The following RRM2 variants were observed in gnomAD, a reference collection of about 807,000 sequenced individuals.
The protein encoded by RRM2 is ribonucleotide reductase regulatory subunit M2.
RRM2 carries 6 observed loss-of-function variants against 45.9 expected under a neutral mutation model. The ratio of observed to expected loss-of-function variants is 0.13; its 90% confidence interval spans 0.07 to 0.26. RRM2 has a LOEUF of 0.26. RRM2 is among the 10% of genes least tolerant of loss of function. The probability of loss-of-function intolerance (pLI) is 1.00; values close to 1 mark genes in which losing one functional copy is unlikely to be tolerated. For synonymous variants in RRM2, 177 were observed against 173.0 expected (o/e 1.02, Z -0.18); for missense variants, 343 against 489.5 (o/e 0.70, Z 2.82).
chr2:10,171,003 GC>G lies in RRM2; in HGVS notation n.482+28629del, dbSNP rs1663793380. ...TCGGGGCTGCAAGCTCCTTTGAGATGCGGGGCTCAGGCCTCATCAGGGGAAA... is the reference window on the plus strand; with the variant it reads ...TCGGGGCTGCAAGCTCCTTTGAGATGGGGGCTCAGGCCTCATCAGGGGAAA... On this transcript the variant is annotated intron_variant and non_coding_transcript_variant, in intron 3 of 3. Coordinates refer to the RRM2 transcript ENST00000381786. The surrounding 1 kb of genome is among the most constrained non-coding windows in gnomAD (Gnocchi z 4.1). Among the ~76,000 whole-genome samples the G allele has an allele frequency of 1.3e-5, 2 of 152,364 alleles. No individual in the cohort carries two copies. Among genetic ancestry groups the G allele is most frequent in the East Asian group, 3.9e-4 (2 of 5,184 alleles).
intron 3 of RRM2, among the ~76,000 whole-genome samples, chr2:10,188,791 G>T (rs1352523855): frequency 6.6e-6 from 1 of 152,186 alleles, no homozygotes; most frequent in Non-Finnish European, 1.5e-5. Flanking sequence ...TGAAGAGAGG[G>T]TCAGGCGCTC....
chr2:10,126,358 A>T (rs1019308759), intron 5 of RRM2, among the ~76,000 whole-genome samples: 15 of 152,050 alleles, frequency 9.9e-5, no homozygotes, highest in Non-Finnish European at 2.2e-4. Context: ...TGCTTTCCTG[A>T]CCTGGGATCG....
intron 3 of RRM2, among the ~76,000 whole-genome samples, chr2:10,189,628 A>G (rs920775250): frequency 2.6e-5 from 4 of 152,202 alleles, no homozygotes; most frequent in African/African-American, 9.6e-5. Context: ...CCCATCCTCC[A>G]TCCCACAGTG....
At chr2:10,199,707 A>G (rs1394463490) in intron 3 of RRM2, among the ~76,000 whole-genome samples, 4 of 138,120 alleles carry the variant, frequency 2.9e-5, no homozygotes, top group East Asian at 2.5e-4. Context: ...GTGAACCCAG[A>G]AGGTGGAGCT....
rs1436038903 is a variant in RRM2 at position 10,172,531 on chromosome 2, C to T, written n.482+30156C>T. Among the ~76,000 whole-genome samples, 1 of 152,114 alleles carries T rather than the reference C, an allele frequency of 6.6e-6. No homozygotes were observed. The highest frequency in any genetic ancestry group is 2.4e-5 in the African/African-American group (1 of 41,400). On this transcript the variant is annotated intron_variant and non_coding_transcript_variant, in intron 3 of 3. Coordinates refer to the RRM2 transcript ENST00000381786. The surrounding 1 kb of genome is among the most constrained non-coding windows in gnomAD (Gnocchi z 4.9). ...TGCTCCTGGGGCCAATAGATTTTTC[C>T]AGTAATGAAATTGTGAAAATAATTG... is the stretch of plus-strand genomic sequence containing the variant.
intron 3 of RRM2, among the ~76,000 whole-genome samples, chr2:10,201,926 A>G (rs752254255): frequency 1.1e-4 from 16 of 152,354 alleles, no homozygotes; most frequent in Admixed American, 6.5e-5. Context: ...TTAGTGTACT[A>G]TGAATGTTAA....
At chr2:10,192,143 A>G (rs748449870) in intron 3 of RRM2, among the ~76,000 whole-genome samples, 1 of 151,886 alleles carries the variant, frequency 6.6e-6, no homozygotes, top group African/African-American at 2.4e-5. Flanking sequence ...CACCGTCCCA[A>G]GAGAGCTCAA....
intron 3 of RRM2, chr2:10,145,976 C>T (rs1663178477): frequency 6.6e-6 from 1 of 152,206 alleles, no homozygotes; most frequent in African/African-American, 2.4e-5. Flanking sequence ...TCTGCACTCC[C>T]CAGAGGGGGC....
rs550625258 is a variant in RRM2, at chr2:10,207,479, A to T, written n.483-2832A>T. On this transcript the variant is annotated intron_variant and non_coding_transcript_variant, in intron 3 of 3. Coordinates refer to the RRM2 transcript ENST00000381786. ...CCCTGGGGATAAAAACAAGACAAAA[A>T]CGTTTAAGAGGTTAGAGAGGTCTTC... Among the ~76,000 whole-genome samples the T allele has an allele frequency of 6.4e-4, 97 of 152,108 alleles. 1 individual carries two copies. In the South Asian group the frequency reaches 0.02, roughly 31 times the overall value.
In RRM2 at chr2:10,122,892, A is replaced by C; in HGVS notation, c.94A>C (p.Asn32His). ...GGGGCTCAGCTTGGTCGACAAGGAG[A>C]ACACGGTGAGCCCGCGGGGAGGGCG... The part of the protein sequence containing the change: ...LKGLSLVDKE[N>H]TPPALSGTRV... Residue 32 changes from asparagine (N) to histidine (H), a missense_variant, in exon 1 of 10, where the codon AAC becomes CAC. Physicochemically the swap from Asn to His is moderately conservative, Grantham distance 68. Around this residue, in one of 2 missense-constraint regions of RRM2, gnomAD observed 131 missense variants for 121.4 expected, o/e 1.08. Transcript: ENST00000304567. The C allele has an allele frequency of 6.3e-7, 1 of 1,588,758 alleles. No homozygotes were observed. The highest frequency in any genetic ancestry group is 8.5e-7 in the Non-Finnish European group (1 of 1,170,070).
intron 3 of RRM2, among the ~76,000 whole-genome samples, chr2:10,200,621 G>C (rs189946837): frequency 1.5e-5 from 1 of 67,908 alleles, no homozygotes; most frequent in Admixed American, 1.8e-4. Flanking sequence ...GGGACCGCGC[G>C]CGCAAAATAT....
intron 3 of RRM2, among the ~76,000 whole-genome samples, chr2:10,159,086 T>C (rs1572508024): frequency 6.6e-6 from 1 of 152,232 alleles, no homozygotes; most frequent in East Asian, 1.9e-4. Flanking sequence ...GGGGACCAAA[T>C]TGGCCCTAAT....
chr2:10,206,542 A>G (rs1171148935), intron 3 of RRM2, among the ~76,000 whole-genome samples: 1 of 152,222 alleles, frequency 6.6e-6, no homozygotes, highest in East Asian at 1.9e-4. Flanking sequence ...GAGAGGCAAA[A>G]AAAGGTGGCA....
chr2:10,201,140 T>C (rs887355046), intron 3 of RRM2, among the ~76,000 whole-genome samples: 1 of 143,076 alleles, frequency 7.0e-6, no homozygotes. Flanking sequence ...CAGAGCAAGA[T>C]TCCATCTCAA....
At chr2:10,178,008 G>C (rs1387398350) in intron 3 of RRM2, among the ~76,000 whole-genome samples, 1 of 147,208 alleles carries the variant, frequency 6.8e-6, no homozygotes, top group Non-Finnish European at 1.5e-5. Context: ...TGCAAGCTCC[G>C]CCTCCCAGGT....
chr2:10,133,121 C>G (rs62129884), downstream of RRM2, among the ~76,000 whole-genome samples: 1 of 152,138 alleles, frequency 6.6e-6, no homozygotes, highest in African/African-American at 2.4e-5. Context: ...AACCAGTGGA[C>G]GTCAGTCCTG....
Position 10,169,147 on chromosome 2 carries a change from A to ATTT in RRM2, n.482+26785_482+26787dup, listed in dbSNP as rs35438376. 6.0e-3 allele frequency among the ~76,000 whole-genome samples: 821 copies of ATTT among 137,558 alleles called. 13 individuals are homozygous for ATTT. Among genetic ancestry groups the ATTT allele is most frequent in the African/African-American group, 6.2e-3 (230 of 37,176 alleles). The allele number at this position is 137,558 out of a possible 152,430, so 90.2% of individuals were successfully genotyped here. On this transcript the variant is annotated intron_variant and non_coding_transcript_variant, in intron 3 of 3. Coordinates refer to the RRM2 transcript ENST00000381786. The surrounding 1 kb of genome is among the most constrained non-coding windows in gnomAD (Gnocchi z 5.1). ...GTCACCATGCCCAGCTACTTTTTGT[A>ATTT]TTTTTTTTTTTTTTTGTAGAGATGG...
intron 3 of RRM2, among the ~76,000 whole-genome samples, chr2:10,159,982 C>T (rs940826218): frequency 1.3e-5 from 2 of 152,146 alleles, no homozygotes; most frequent in South Asian, 2.1e-4. Context: ...CCAGGGCCCT[C>T]GGGGGAAAGT....
intron 3 of RRM2, among the ~76,000 whole-genome samples, chr2:10,178,076 C>T (rs144528023): frequency 0.28 from 42,703 of 151,320 alleles, 6,548 homozygotes; most frequent in Non-Finnish European, 0.35. Flanking sequence ...TGCCCACCAA[C>T]ACGCCCGGCT....
Sources: gnomAD v4.1 joint callset for allele counts (sites outside exome capture counted in the v4.1 genomes callset) on GRCh38, gnomAD v4.1.1 for gene constraint, gnomAD v4.1.1 regional missense constraint, Gnocchi (gnomAD v3.1) non-coding constraint, MANE v1.5 for transcripts, NCBI Gene and HGNC (gene_info 2026-07-23, HGNC 2026-07-21) for gene names.